Variants in RRP12 observed in about 807,000 individuals in gnomAD.
RRP12 encodes the protein RRP12-like protein.
Under a neutral mutation model 157.3 loss-of-function variants are expected in RRP12, and 78 were observed. That is an observed-to-expected ratio of 0.50 (90% CI 0.41 to 0.60). The LOEUF (loss-of-function observed/expected upper bound fraction) is 0.60, where lower values mean the gene tolerates loss of function less well. Ranked by LOEUF, RRP12 falls within the 20% of genes least tolerant of loss-of-function variation. The probability of loss-of-function intolerance (pLI) is 0.00; values close to 1 mark genes in which losing one functional copy is unlikely to be tolerated. For synonymous variants in RRP12, 726 were observed against 670.9 expected (o/e 1.08, Z -1.27); for missense variants, 1,521 against 1,679.9 (o/e 0.91, Z 1.65).
intron 2 of RRP12, among the ~76,000 whole-genome samples, chr10:97,399,171 G>T (rs1362914717): frequency 6.6e-6 from 1 of 152,150 alleles, no homozygotes; most frequent in Non-Finnish European, 1.5e-5. Context: ...TACTCGGGAG[G>T]CTGAGGCAGG....
Position 97,372,236 on chromosome 10 carries a change from C to G in RRP12, c.2250-70G>C, listed in dbSNP as rs968119946. The G allele has an allele frequency of 5.7e-6, 7 of 1,221,258 alleles. No individual in the cohort carries two copies. The Admixed American group carries it at 7.6e-5, about 13-fold the overall frequency. The allele number at this position is 1,221,258 out of a possible 1,614,324, so 75.7% of individuals were successfully genotyped here. ...AGGGCGCAGACTACCAGTGTTCTTACGTCTACTGGGTATGGGGAGGTGGGA... is the reference window on the plus strand; with the variant it reads ...AGGGCGCAGACTACCAGTGTTCTTAGGTCTACTGGGTATGGGGAGGTGGGA... On this transcript the variant is annotated intron_variant, in intron 19 of 33. Coordinates refer to ENST00000370992, the MANE Select transcript of RRP12 (RefSeq NM_015179.4).
At chr10:97,363,030 A>G (rs952550032) in intron 30 of RRP12, among the ~76,000 whole-genome samples, 3 of 152,076 alleles carry the variant, frequency 2.0e-5, no homozygotes, top group Non-Finnish European at 4.4e-5. Flanking sequence ...ACAGATCAGG[A>G]ATTGAGGCTT....
chr10:97,370,262 C>G lies in RRP12; in HGVS notation c.2702G>C (p.Cys901Ser). Residue 901 changes from cysteine (C) to serine (S), a missense_variant, in exon 24 of 34, where the codon TGC (cysteine) becomes TCC (serine). Cys to Ser is a moderately radical substitution (Grantham distance 112, BLOSUM62 -1). Transcript: ENST00000370992. ...GCCAGGGTAGATCAGGACGAGGTAG[C>G]ACTGCAGGGCCTCTGGGGACAGAGA... ...FGSNQEEALQ[C>S]YLVLIYPGLV... 6.3e-7 allele frequency: 1 copy of G among 1,595,022 alleles called. No homozygotes were observed. Among genetic ancestry groups the G allele is most frequent in the South Asian group, 1.1e-5 (1 of 88,034 alleles).
Position 97,356,800 on chromosome 10 carries a change from G to A in RRP12, c.*294C>T, listed in dbSNP as rs1843723855. On this transcript the variant is annotated 3_prime_UTR_variant, in exon 34 of 34. Transcript: ENST00000370992. Reference sequence around the variant, plus strand: ...GCTACAGGCAGCTGGCGGAAATGGAGATCATCTGTTCTGGTGCTCATGGCC... The same window carrying A: ...GCTACAGGCAGCTGGCGGAAATGGAAATCATCTGTTCTGGTGCTCATGGCC... The A allele has an allele frequency of 3.2e-6, 1 of 316,310 alleles. No homozygotes were observed. Among genetic ancestry groups the A allele is most frequent in the Non-Finnish European group, 5.7e-6 (1 of 174,170 alleles). 19.6% of individuals were successfully genotyped at this position (316,310 alleles called of 1,614,324 possible).
intron 12 of RRP12, 50 bp from the exon 13 acceptor site, chr10:97,380,963 C>T (rs1844451272): frequency 2.8e-6 from 4 of 1,447,064 alleles, no homozygotes; most frequent in Non-Finnish European, 3.9e-6. Context: ...ACCCTGTGCC[C>T]CCCACCAGAG....
At position 97,393,716 on chromosome 10, in the gene RRP12, G is replaced by C. The variant is rs781521639; in HGVS notation, c.498C>G (p.Ala166=). Residue 166 remains alanine (A), a synonymous_variant, in exon 4 of 34, where the codon GCC becomes GCG. Transcript: ENST00000370992. ...GGACAAGGTTCAGCAGGTAAGCAAC[G>C]GCGGCCAGGGACTCCGGGGACTCCA... is the stretch of plus-strand genomic sequence containing the variant. The part of the protein sequence containing the change: ...EAVESPESLA[A]VAYLLNLVLK... 6.2e-7 allele frequency: 1 copy of C among 1,614,024 alleles called. No individual in the cohort carries two copies. Among genetic ancestry groups the C allele is most frequent in the Non-Finnish European group, 8.5e-7 (1 of 1,179,992 alleles).
chr10:97,396,726 T>G (rs563360604), intron 2 of RRP12, among the ~76,000 whole-genome samples: 1 of 152,082 alleles, frequency 6.6e-6, no homozygotes, highest in Non-Finnish European at 1.5e-5. Flanking sequence ...TTATAAAAAA[T>G]GGTGTAGTAT....
intron 19 of RRP12, 53 bp from the exon 20 acceptor site, chr10:97,372,219 G>T: frequency 2.1e-6 from 3 of 1,414,518 alleles, no homozygotes; most frequent in Non-Finnish European, 3.0e-6. Flanking sequence ...GAAGGGCGCA[G>T]ACTACCAGTG....
intron 6 of RRP12, among the ~76,000 whole-genome samples, chr10:97,388,990 G>C (rs1028363931): frequency 3.3e-5 from 5 of 152,160 alleles, no homozygotes; most frequent in African/African-American, 1.2e-4. Flanking sequence ...TGGCAAACTG[G>C]CACTGAACAG....
chr10:97,389,339 C>T (rs993392763), intron 6 of RRP12, among the ~76,000 whole-genome samples: 6 of 152,104 alleles, frequency 3.9e-5, no homozygotes, highest in Admixed American at 1.3e-4. Context: ...GTGATCCGCC[C>T]GCCTCGGCCT....
intron 29 of RRP12, 72 bp downstream of exon 29, chr10:97,366,036 G>T: frequency 6.3e-7 from 1 of 1,590,982 alleles, no homozygotes; most frequent in Non-Finnish European, 8.5e-7. Context: ...TTTTAGCCAC[G>T]CTTCCTCAGC....
intron 21 of RRP12, 30 bp downstream of exon 21, chr10:97,370,893 C>T (rs758434179): frequency 2.0e-5 from 32 of 1,612,584 alleles, no homozygotes; most frequent in South Asian, 1.5e-4. Context: ...CAGGCTCCCT[C>T]GGCAGAGCGG....
intron 15 of RRP12, among the ~76,000 whole-genome samples, chr10:97,374,309 A>C (rs1171637679): frequency 6.6e-6 from 1 of 152,088 alleles, no homozygotes; most frequent in Non-Finnish European, 1.5e-5. Flanking sequence ...AGCAGACTAC[A>C]GGCGTGCATG....
At position 97,385,933 on chromosome 10, in the gene RRP12, T is replaced by C; in HGVS notation, c.1078A>G (p.Ser360Gly). 1 of 1,607,490 alleles carries C rather than the reference T, an allele frequency of 6.2e-7. No individual in the cohort carries two copies. The highest frequency in any genetic ancestry group is 8.5e-7 in the Non-Finnish European group (1 of 1,177,170). ...HSLFHARPGL[S>G]TLSAELNAQI... ...GCGTTGAGCTCTGCTGACAGGGTGC[T>C]CAGGCCAGGCCTGGCGTGGAAGAGG... Residue 360 changes from serine to glycine, a missense_variant, in exon 9 of 34, where the codon AGC becomes GGC. Physicochemically the swap from Ser to Gly is moderately conservative, Grantham distance 56. Transcript: ENST00000370992.
intron 22 of RRP12, 40 bp downstream of exon 22, chr10:97,370,676 A>G: frequency 1.2e-6 from 2 of 1,609,028 alleles, no homozygotes; most frequent in Non-Finnish European, 1.7e-6. Flanking sequence ...TAAGAGCCAC[A>G]TTCCAGGGAC....
chr10:97,393,318 C>T (rs567479776), intron 4 of RRP12: 3 of 443,400 alleles, frequency 6.8e-6, no homozygotes, highest in South Asian at 1.7e-5. Flanking sequence ...GGAAGCACTG[C>T]AGGCCCTATA....
At position 97,400,576 on chromosome 10, in the gene RRP12, G is replaced by A. The variant is rs557430121; in HGVS notation, c.140-42C>T. 22 of 1,538,240 alleles carry A rather than the reference G, an allele frequency of 1.4e-5. No homozygotes were observed. The South Asian group carries it at 2.3e-4, about 16-fold the overall frequency. ...CAAGATAAGGTCCAAGCCTCCTTTT[G>A]GTCAAGAGAACAGAACAACCCCTGG... is the stretch of plus-strand genomic sequence containing the variant. On this transcript the variant is annotated intron_variant, in intron 1 of 33. Transcript: ENST00000370992.
chr10:97,372,295 C>T, intron 19 of RRP12, 129 bp from the exon 20 acceptor site: 1 of 613,950 alleles, frequency 1.6e-6, no homozygotes, highest in East Asian at 2.7e-5. Context: ...CTTGAAGGAG[C>T]TCATGAACAA....
intron 25 of RRP12, among the ~76,000 whole-genome samples, chr10:97,368,746 G>A (rs61863816): frequency 0.25 from 37,322 of 152,178 alleles, 4,787 homozygotes; most frequent in South Asian, 0.34. Context: ...TGCAGGCTCC[G>A]AGGGCAGCGG....
Sources: allele counts gnomAD v4.1 joint callset (sites outside exome capture counted in the v4.1 genomes callset), GRCh38; gene constraint gnomAD v4.1.1; transcripts MANE v1.5; gene names NCBI Gene and HGNC (gene_info 2026-07-23, HGNC 2026-07-21).